The following PHACTR1 variants were observed in gnomAD, a reference collection of about 807,000 sequenced individuals.
PHACTR1 encodes the protein RPEL repeat containing 1.
In PHACTR1, 16 loss-of-function variants were observed where a neutral mutation model predicts 69.2. The ratio of observed to expected loss-of-function variants is 0.23; its 90% CI spans 0.16 to 0.35. The LOEUF is 0.35. Ranked by LOEUF, PHACTR1 falls within the 10% of genes least tolerant of loss-of-function variation. The pLI, the probability that PHACTR1 is intolerant of heterozygous loss-of-function variation, is 1.00. For synonymous variants in PHACTR1, 312 were observed against 284.5 expected (o/e 1.10, Z -0.97); for missense variants, 510 against 734.7 (o/e 0.69, Z 3.54).
At chr6:12,805,876 C>T (rs927639631) in intron 4 of PHACTR1, among the ~76,000 whole-genome samples, 4 of 152,176 alleles carry the variant, frequency 2.6e-5, no homozygotes, top group East Asian at 1.9e-4. Context: ...GCTGGGACTA[C>T]GGGCGTGAGC....
At chr6:13,139,200 G>A (rs1400314366) in intron 5 of PHACTR1, among the ~76,000 whole-genome samples, 4 of 151,116 alleles carry the variant, frequency 2.6e-5, no homozygotes, top group Non-Finnish European at 4.4e-5. Flanking sequence ...TTTCCTTTGG[G>A]TCTTCTACAA....
chr6:12,833,582 T>C (rs1490494004), intron 4 of PHACTR1, among the ~76,000 whole-genome samples: 4 of 152,152 alleles, frequency 2.6e-5, no homozygotes, highest in African/African-American at 7.2e-5. Context: ...TTGAATGACA[T>C]CTGAATATCT....
intron 4 of PHACTR1, among the ~76,000 whole-genome samples, chr6:12,825,621 A>C (rs1367234715): frequency 1.3e-5 from 2 of 152,172 alleles, no homozygotes; most frequent in African/African-American, 4.8e-5. Flanking sequence ...TTGTATCCAC[A>C]GAAGCAGTGA....
At chr6:13,198,762 A>G (rs1323804966) in intron 7 of PHACTR1, among the ~76,000 whole-genome samples, 1 of 152,152 alleles carries the variant, frequency 6.6e-6, no homozygotes. Flanking sequence ...ACCTTGCCAT[A>G]ACACATTATT....
At chr6:12,809,303 T>G (rs1774752735) in intron 4 of PHACTR1, among the ~76,000 whole-genome samples, 1 of 152,202 alleles carries the variant, frequency 6.6e-6, no homozygotes, top group Non-Finnish European at 1.5e-5. Flanking sequence ...GTGCTTTTAT[T>G]ATGACATTGA....
At chr6:13,109,833 C>CATGTGT (rs71552733) in intron 5 of PHACTR1, among the ~76,000 whole-genome samples, 1 of 146,080 alleles carries the variant, frequency 6.8e-6, no homozygotes, top group Non-Finnish European at 1.5e-5. Context: ...ATTTTTTCAG[C>CATGTGT]GTGTGTGTGT....
At chr6:12,783,729 TA>T (rs1436350753) in intron 4 of PHACTR1, among the ~76,000 whole-genome samples, 1 of 152,214 alleles carries the variant, frequency 6.6e-6, no homozygotes, top group Non-Finnish European at 1.5e-5. Context: ...AGGAAGAAAT[TA>T]AAGGTTAGCA....
intron 4 of PHACTR1, among the ~76,000 whole-genome samples, chr6:12,914,264 C>T (rs936043739): frequency 6.6e-6 from 1 of 152,212 alleles, no homozygotes; most frequent in Admixed American, 6.5e-5. Context: ...TCCCAAAGTG[C>T]TGGGATTACA....
chr6:12,891,290 G>A (rs1284771238), intron 4 of PHACTR1, among the ~76,000 whole-genome samples: 1 of 152,002 alleles, frequency 6.6e-6, no homozygotes, highest in African/African-American at 2.4e-5. Context: ...ATGTTAACAT[G>A]CTAAAGTGGG....
At chr6:13,080,421 G>T (rs1012434961) in intron 5 of PHACTR1, among the ~76,000 whole-genome samples, 3 of 152,238 alleles carry the variant, frequency 2.0e-5, no homozygotes, top group Non-Finnish European at 4.4e-5. Flanking sequence ...GGGTGTGTAA[G>T]GGTCAAAATG....
intron 4 of PHACTR1, among the ~76,000 whole-genome samples, chr6:12,956,232 G>T (rs753294499): frequency 6.6e-6 from 1 of 152,194 alleles, no homozygotes; most frequent in African/African-American, 2.4e-5. Context: ...ATTGGGAGCC[G>T]AGAGCTATGC....
At chr6:12,925,525 T>A (rs1788181684) in intron 4 of PHACTR1, among the ~76,000 whole-genome samples, 1 of 152,234 alleles carries the variant, frequency 6.6e-6, no homozygotes, top group South Asian at 2.1e-4. Context: ...TTATATTAGA[T>A]GATGTGCATA....
At chr6:12,944,903 C>G (rs1482464888) in intron 4 of PHACTR1, among the ~76,000 whole-genome samples, 1 of 151,966 alleles carries the variant, frequency 6.6e-6, no homozygotes, top group Admixed American at 6.6e-5. Context: ...CTGCTTCAGC[C>G]TCCCGAGTAG....
chr6:13,095,458 CGTG>C, intron 5 of PHACTR1, among the ~76,000 whole-genome samples: 1 of 152,240 alleles, frequency 6.6e-6, no homozygotes, highest in African/African-American at 2.4e-5. Flanking sequence ...GTAAAATAGA[CGTG>C]GTCTCTACCT....
intron 5 of PHACTR1, among the ~76,000 whole-genome samples, chr6:13,117,863 G>C (rs780523763): frequency 6.6e-6 from 1 of 152,144 alleles, no homozygotes; most frequent in Non-Finnish European, 1.5e-5. Context: ...CTAACGCAGA[G>C]CTCTGCAGGT....
intron 4 of PHACTR1, among the ~76,000 whole-genome samples, chr6:12,874,729 G>A (rs780283190): frequency 2.0e-4 from 30 of 152,198 alleles, no homozygotes; most frequent in Non-Finnish European, 3.5e-4. Flanking sequence ...AAATTCAGTG[G>A]GTCTCTGCCT....
At chr6:12,851,070 C>T (rs1011569777) in intron 4 of PHACTR1, among the ~76,000 whole-genome samples, 1 of 152,182 alleles carries the variant, frequency 6.6e-6, no homozygotes, top group East Asian at 1.9e-4. Flanking sequence ...TAAGAGAGTT[C>T]GTGTGTTCAC....
At chr6:13,007,695 C>G (rs1405207251) in intron 4 of PHACTR1, among the ~76,000 whole-genome samples, 1 of 135,958 alleles carries the variant, frequency 7.4e-6, no homozygotes, top group African/African-American at 2.7e-5. Context: ...AAGAGGTAGA[C>G]TACCCCAGCC....
At chr6:13,022,814 C>T (rs976562723) in intron 4 of PHACTR1, among the ~76,000 whole-genome samples, 38 of 152,088 alleles carry the variant, frequency 2.5e-4, no homozygotes, top group African/African-American at 5.8e-4. Context: ...CCCAGGAATT[C>T]GAGACCAGCC....
Sources: gnomAD v4.1 joint callset for allele counts (sites outside exome capture counted in the v4.1 genomes callset) on GRCh38, gnomAD v4.1.1 for gene constraint, MANE v1.5 for transcripts, NCBI Gene and HGNC (gene_info 2026-07-23, HGNC 2026-07-21) for gene names.